COL14A1: variants seen among roughly 807,000 people sequenced by gnomAD.
The protein encoded by COL14A1 is collagen alpha-1(XIV) chain.
In COL14A1, 136 loss-of-function variants were observed where a neutral mutation model predicts 230.3. That is an observed-to-expected ratio of 0.59 (90% CI 0.51 to 0.68). COL14A1 has a LOEUF of 0.68. Ranked by LOEUF, COL14A1 falls within the 30% of genes least tolerant of loss-of-function variation. The pLI is 0.00. For synonymous variants in COL14A1, 792 were observed against 784.1 expected (o/e 1.01, Z -0.17); for missense variants, 1,976 against 2,215.8 (o/e 0.89, Z 2.17).
chr8:120,342,125 A>C (rs577712062), intron 43 of COL14A1, among the ~76,000 whole-genome samples: 1 of 152,346 alleles, frequency 6.6e-6, no homozygotes, highest in East Asian at 1.9e-4. Flanking sequence ...AAAACTATTA[A>C]ATTTTTTAGA....
At chr8:120,307,928 A>G (rs1409036014) in intron 36 of COL14A1, among the ~76,000 whole-genome samples, 1 of 152,230 alleles carries the variant, frequency 6.6e-6, no homozygotes, top group Non-Finnish European at 1.5e-5. Flanking sequence ...AAATACTAAC[A>G]GTTTCACTTA....
chr8:120,231,450 G>T lies in COL14A1; in HGVS notation c.2198-17G>T. The T allele has an allele frequency of 1.2e-6, 2 of 1,610,886 alleles. No homozygotes were observed. Among genetic ancestry groups the T allele is most frequent in the South Asian group, 1.1e-5 (1 of 90,414 alleles). ...ATATGTTAAAAGTTTTTTAATCCTT[G>T]GTTGTGTTTATTCCAGTTTTCCAGA... is the stretch of plus-strand genomic sequence containing the variant. On this transcript the variant is annotated splice_polypyrimidine_tract_variant and intron_variant, in intron 18 of 47. Coordinates refer to ENST00000297848, the MANE Select transcript of COL14A1 (RefSeq NM_021110.4).
chr8:120,177,264 GAAGTA>G (rs1202270136), intron 5 of COL14A1, among the ~76,000 whole-genome samples: 1 of 152,146 alleles, frequency 6.6e-6, no homozygotes, highest in Non-Finnish European at 1.5e-5. Flanking sequence ...TCAAAACATA[GAAGTA>G]AACTATTTGC....
intron 14 of COL14A1, 102 bp downstream of exon 14, chr8:120,216,592 T>C (rs775232250): frequency 8.6e-7 from 1 of 1,161,028 alleles, no homozygotes; most frequent in Non-Finnish European, 1.2e-6. Context: ...AAAATAATAG[T>C]AATTATTTAT....
chr8:120,241,374 C>T (rs906914560), intron 19 of COL14A1, among the ~76,000 whole-genome samples: 14 of 152,210 alleles, frequency 9.2e-5, no homozygotes, highest in African/African-American at 3.4e-4. Flanking sequence ...GGGAACACAG[C>T]GAGATGCAGG....
At chr8:120,289,090 A>AT (rs1820292604) in intron 33 of COL14A1, among the ~76,000 whole-genome samples, 1 of 152,132 alleles carries the variant, frequency 6.6e-6, no homozygotes, top group Admixed American at 6.6e-5. Flanking sequence ...AAACAGCTTT[A>AT]TTTTATTTGA....
At chr8:120,223,454 G>C (rs1162393123) in intron 14 of COL14A1, among the ~76,000 whole-genome samples, 1 of 152,094 alleles carries the variant, frequency 6.6e-6, no homozygotes, top group Non-Finnish European at 1.5e-5. Context: ...TGGATCACTA[G>C]AGGCCAGGAG....
At chr8:120,326,384 G>A (rs1177699402) in intron 40 of COL14A1, among the ~76,000 whole-genome samples, 1 of 152,202 alleles carries the variant, frequency 6.6e-6, no homozygotes, top group African/African-American at 2.4e-5. Context: ...TCTTAGAAGA[G>A]TGACTGTCTT....
intron 8 of COL14A1, among the ~76,000 whole-genome samples, chr8:120,202,083 C>A (rs1227633870): frequency 6.6e-6 from 1 of 152,176 alleles, no homozygotes; most frequent in Non-Finnish European, 1.5e-5. Context: ...CAGGCAAGAA[C>A]CATCAGAGAG....
At chr8:120,326,962 G>T (rs142149053) in intron 40 of COL14A1, among the ~76,000 whole-genome samples, 2 of 152,134 alleles carry the variant, frequency 1.3e-5, no homozygotes, top group African/African-American at 4.8e-5. Flanking sequence ...GGAGGCGGAG[G>T]TTGCCATGAG....
chr8:120,221,127 G>A (rs767074334), intron 14 of COL14A1, among the ~76,000 whole-genome samples: 7 of 152,260 alleles, frequency 4.6e-5, no homozygotes, highest in Non-Finnish European at 1.0e-4. Context: ...AAATGCAAAG[G>A]CCACAGTTTT....
intron 40 of COL14A1, among the ~76,000 whole-genome samples, chr8:120,323,685 A>G (rs986577928): frequency 3.3e-5 from 5 of 152,016 alleles, no homozygotes; most frequent in African/African-American, 1.2e-4. Flanking sequence ...TCATTTCCCC[A>G]TTGCTTTTTT....
chr8:120,229,080 T>G (rs1818181483), intron 18 of COL14A1, among the ~76,000 whole-genome samples: 1 of 130,102 alleles, frequency 7.7e-6, no homozygotes, highest in Non-Finnish European at 1.6e-5. Flanking sequence ...CCCTCCTCTT[T>G]TTTTTTTCTT....
rs370064596 is a variant in COL14A1, at chr8:120,332,721, G to C, written c.4771G>C (p.Ala1591Pro). ...CACAGGAAGCATGGGACCGCAAGGC[G>C]CCCTGGGACCACCTGTGAGTATGCA... ...GITGSMGPQG[A>P]LGPPGVPGAK... The change falls in exon 42 of 48, where the codon GCC becomes CCC. Residue 1591 changes from alanine (A) to proline (P), a missense_variant. Ala to Pro is a conservative substitution (Grantham distance 27, BLOSUM62 -1). Around this residue, in one of 3 missense-constraint regions of COL14A1, gnomAD observed 1,791 missense variants for 2,019.5 expected, o/e 0.89. Coordinates refer to ENST00000297848, the MANE Select transcript of COL14A1 (RefSeq NM_021110.4). 6.2e-7 allele frequency: 1 copy of C among 1,612,788 alleles called. No individual in the cohort carries two copies. Among genetic ancestry groups the C allele is most frequent in the Admixed American group, 1.7e-5 (1 of 59,946 alleles).
chr8:120,246,326 T>A (rs560977563), intron 20 of COL14A1, among the ~76,000 whole-genome samples: 38 of 152,216 alleles, frequency 2.5e-4, no homozygotes, highest in African/African-American at 8.9e-4. Flanking sequence ...TATAGTTGTT[T>A]CCTCAAGGGA....
At chr8:120,168,080 C>A (rs1586733231) in intron 4 of COL14A1, 81 bp from the exon 5 acceptor site, 1 of 954,250 alleles carries the variant, frequency 1.0e-6, no homozygotes, top group East Asian at 2.5e-5. Flanking sequence ...TTAGGGCTTT[C>A]AAGGGTTTTA....
In COL14A1 at chr8:120,310,053, G is replaced by A. The variant is rs376375669; in HGVS notation, c.4446G>A (p.Pro1482=). 245 of 1,613,142 alleles carry A rather than the reference G, an allele frequency of 1.5e-4. No homozygotes were observed. The highest frequency in any genetic ancestry group is 4.2e-4 in the Admixed American group (25 of 59,960). The change falls in exon 37 of 48, where the codon CCG becomes CCA. Residue 1482 remains proline (P), a synonymous_variant. Transcript: ENST00000297848. ...GACCAAAGGGCCAGCAAGGTGAACC[G>A]GGTCCAAAGGTAATGCGCATGTTTT... ...LRGPKGQQGE[P]GPKGPDGPRG... is the part of the protein sequence containing the mutation.
At chr8:120,304,706 A>G (rs1019091232) in intron 36 of COL14A1, among the ~76,000 whole-genome samples, 1 of 152,110 alleles carries the variant, frequency 6.6e-6, no homozygotes, top group African/African-American at 2.4e-5. Context: ...TCTAACTTGC[A>G]TGTTCTCATT....
At chr8:120,332,520 A>C (rs1262399826) in intron 41 of COL14A1, 144 bp from the exon 42 acceptor site, 1 of 675,092 alleles carries the variant, frequency 1.5e-6, no homozygotes, top group Non-Finnish European at 2.5e-6. Context: ...CGTTTTTGGG[A>C]GTTGGGAACA....
Sources: gnomAD v4.1 joint callset for allele counts (sites outside exome capture counted in the v4.1 genomes callset) on GRCh38, gnomAD v4.1.1 for gene constraint, gnomAD v4.1.1 regional missense constraint, MANE v1.5 for transcripts, NCBI Gene and HGNC (gene_info 2026-07-23, HGNC 2026-07-21) for gene names.